Variants in ZNF292 observed in about 807,000 individuals in gnomAD.
ZNF292 encodes the protein 16 zinc-finger domain protein.
A neutral mutation model predicts 217.9 loss-of-function variants in ZNF292; 26 were observed. The observed-to-expected ratio is 0.12, with a 90% CI of 0.09 to 0.17. The LOEUF (loss-of-function observed/expected upper bound fraction) is 0.17. ZNF292 is among the 10% of genes least tolerant of loss of function. The pLI, the probability that ZNF292 is intolerant of heterozygous loss-of-function variation, is 1.00. For synonymous variants in ZNF292, 1,257 were observed against 1,124.1 expected (o/e 1.12, Z -2.37); for missense variants, 2,904 against 3,175.2 (o/e 0.91, Z 2.05).
At chr6:87,223,628 T>C (rs1009558637) in intron 4 of ZNF292, 1 of 152,222 alleles carries the variant, frequency 6.6e-6, no homozygotes, top group Non-Finnish European at 1.5e-5. Context: ...CAATCAGTCA[T>C]TTATATTAGT....
At chr6:87,228,571 C>G (rs1258215653) in intron 4 of ZNF292, among the ~76,000 whole-genome samples, 1 of 152,142 alleles carries the variant, frequency 6.6e-6, no homozygotes, top group African/African-American at 2.4e-5. Context: ...GATTTTTCAT[C>G]TAAGTCTTTA....
At chr6:87,197,357 G>A (rs1354300293) in intron 1 of ZNF292, among the ~76,000 whole-genome samples, 1 of 151,502 alleles carries the variant, frequency 6.6e-6, no homozygotes, top group Non-Finnish European at 1.5e-5. Context: ...AGTAGGTTAG[G>A]TAGTACCATA....
rs1774427728 is a variant in ZNF292 at position 87,243,683 on chromosome 6, A to T, written c.878+72A>T. 5 of 1,289,606 alleles carry T rather than the reference A, an allele frequency of 3.9e-6. No homozygotes were observed. The South Asian group carries it at 7.8e-5, about 20-fold the overall frequency. 79.9% of individuals were successfully genotyped at this position (1,289,606 alleles called of 1,614,324 possible). ...TGCAAAATAGGCTGTGAGAATTCAT[A>T]TAACTTAGGAACATAATTTAAAATC... On this transcript the variant is annotated intron_variant, in intron 6 of 7. Coordinates refer to ENST00000369577, the MANE Select transcript of ZNF292 (RefSeq NM_015021.3).
At chr6:87,247,945 C>A (rs1411173954) in intron 7 of ZNF292, among the ~76,000 whole-genome samples, 1 of 152,176 alleles carries the variant, frequency 6.6e-6, no homozygotes, top group Non-Finnish European at 1.5e-5. Context: ...AGATTAGACA[C>A]AACTGAAGAG....
intron 1 of ZNF292, among the ~76,000 whole-genome samples, chr6:87,167,911 G>T (rs1294748379): frequency 6.6e-6 from 1 of 152,124 alleles, no homozygotes; most frequent in Admixed American, 6.5e-5. Flanking sequence ...ACCTATAAAG[G>T]CAGAACCAAA....
At chr6:87,248,610 A>G (rs73485828) in intron 7 of ZNF292, among the ~76,000 whole-genome samples, 12,175 of 152,224 alleles carry the variant, frequency 0.08, 809 homozygotes, top group African/African-American at 0.18. Context: ...GAAAGGGGCC[A>G]ATAATAAATT....
chr6:87,198,660 G>T (rs970352061), intron 1 of ZNF292, among the ~76,000 whole-genome samples: 6 of 152,154 alleles, frequency 3.9e-5, no homozygotes, highest in Non-Finnish European at 7.4e-5. Flanking sequence ...TGTGAACTTT[G>T]CAATCTTTAT....
At chr6:87,189,210 TAAATAAATAA>T (rs1771752848) in intron 1 of ZNF292, among the ~76,000 whole-genome samples, 1 of 151,902 alleles carries the variant, frequency 6.6e-6, no homozygotes, top group African/African-American at 2.4e-5. Flanking sequence ...AACTCAGAAA[TAAATAAATAA>T]AAATAAATAA....
At chr6:87,252,796 G>A (rs6910991) in intron 7 of ZNF292, among the ~76,000 whole-genome samples, 81,704 of 151,996 alleles carry the variant, frequency 0.54, 22,406 homozygotes, top group African/African-American at 0.62. Context: ...AAGTTTTAAG[G>A]CACAGATCTA....
rs1448514386 is a variant in ZNF292, at chr6:87,255,686, C to T, written c.2057C>T (p.Thr686Ile). The T allele has an allele frequency of 2.5e-6, 4 of 1,613,230 alleles. No individual in the cohort carries two copies. The highest frequency in any genetic ancestry group is 3.3e-5 in the Admixed American group (2 of 59,844). ...VPVNEFNCPV[T>I]FCKKGFKYFK... ...GTTAATGAATTTAATTGCCCTGTAA[C>T]TTTTTGTAAAAAGGGCTTTAAGTAC... The change falls in exon 8 of 8, where the codon ACT (threonine) becomes ATT (isoleucine). Residue 686 changes from threonine (T) to isoleucine (I), a missense_variant. Thr to Ile is a moderately conservative substitution (Grantham distance 89, BLOSUM62 -1). Transcript: ENST00000369577.
intron 1 of ZNF292, among the ~76,000 whole-genome samples, chr6:87,187,684 T>C (rs9362407): frequency 0.12 from 16,993 of 139,576 alleles, 1,120 homozygotes; most frequent in African/African-American, 0.19. Context: ...CATTGCACTC[T>C]ACCTTGGGCA....
intron 1 of ZNF292, among the ~76,000 whole-genome samples, chr6:87,175,069 CTTCATCACTT>C (rs1562123420): frequency 2.0e-5 from 3 of 152,046 alleles, no homozygotes; most frequent in Admixed American, 6.6e-5. Flanking sequence ...TTTTTTGAGT[CTTCATCACTT>C]TTCATCACTT....
intron 4 of ZNF292, among the ~76,000 whole-genome samples, chr6:87,227,843 C>A (rs866950024): frequency 6.6e-6 from 1 of 152,058 alleles, no homozygotes; most frequent in Admixed American, 6.6e-5. Flanking sequence ...ATTTATCTGT[C>A]GTAGTTGGAC....
At chr6:87,174,947 G>T (rs1771235470) in intron 1 of ZNF292, among the ~76,000 whole-genome samples, 2 of 152,108 alleles carry the variant, frequency 1.3e-5, no homozygotes, top group South Asian at 4.1e-4. Context: ...GATTTTCTCT[G>T]GACTTTTCAT....
chr6:87,168,693 C>T (rs1293165822), intron 1 of ZNF292, among the ~76,000 whole-genome samples: 1 of 152,206 alleles, frequency 6.6e-6, no homozygotes, highest in Non-Finnish European at 1.5e-5. Flanking sequence ...TGGTCCCGAA[C>T]TCCTGACCTC....
At chr6:87,169,036 C>CTT (rs56073213) in intron 1 of ZNF292, among the ~76,000 whole-genome samples, 26 of 150,676 alleles carry the variant, frequency 1.7e-4, no homozygotes, top group Middle Eastern at 3.4e-3. Flanking sequence ...CTTTTTATTG[C>CTT]TTTTTTTTTA....
chr6:87,250,056 A>AATC lies in ZNF292; in HGVS notation c.1020+4414_1020+4415insCAT, dbSNP rs369811018. Among the ~76,000 whole-genome samples the AATC allele has an allele frequency of 9.2e-3, 1,384 of 150,900 alleles. 18 individuals are homozygous for AATC. The highest frequency in any genetic ancestry group is 0.032 in the African/African-American group (1,300 of 40,980). On this transcript the variant is annotated intron_variant, in intron 7 of 7. Coordinates refer to ENST00000369577, the MANE Select transcript of ZNF292 (RefSeq NM_015021.3). Reference sequence around the variant, plus strand: ...AAAAAACAAAAAAAAAAACTCCAGGAATTGAAGACTATCAACCAGCTACTC... The same window carrying AATC: ...AAAAAACAAAAAAAAAAACTCCAGGAATCATTGAAGACTATCAACCAGCTACTC...
chr6:87,240,104 C>T (rs1201388621), intron 5 of ZNF292, among the ~76,000 whole-genome samples: 1 of 152,204 alleles, frequency 6.6e-6, no homozygotes, highest in Non-Finnish European at 1.5e-5. Context: ...AATCCCGGCA[C>T]CTCGGGAGGC....
chr6:87,173,040 A>G (rs1157035866), intron 1 of ZNF292, among the ~76,000 whole-genome samples: 1 of 152,054 alleles, frequency 6.6e-6, no homozygotes, highest in Non-Finnish European at 1.5e-5. Context: ...ATTCTTTCTG[A>G]TAGTCTTAAG....
Sources: gnomAD v4.1 joint callset for allele counts (sites outside exome capture counted in the v4.1 genomes callset) on GRCh38, gnomAD v4.1.1 for gene constraint, MANE v1.5 for transcripts, NCBI Gene and HGNC (gene_info 2026-07-23, HGNC 2026-07-21) for gene names.